The following TENM1 variants were observed in gnomAD, a reference collection of about 807,000 sequenced individuals.
The protein encoded by TENM1 is teneurin transmembrane protein 1.
A neutral mutation model predicts 174.8 loss-of-function variants in TENM1; 35 were observed. That is an observed-to-expected ratio of 0.20 (90% CI 0.15 to 0.27). TENM1 has a LOEUF of 0.27. TENM1 is among the 10% of genes least tolerant of loss of function. The probability of loss-of-function intolerance (pLI) is 1.00; values close to 1 mark genes in which losing one functional copy is unlikely to be tolerated. For synonymous variants in TENM1, 781 were observed against 798.7 expected, an observed-to-expected ratio of 0.98 and a Z score of 0.37; for missense variants, 1,633 against 2,130.1, an observed-to-expected ratio of 0.77 and a Z score of 4.59.
intron 4 of TENM1, among the ~76,000 whole-genome samples, chrX:124,717,268 G>T (rs2053207453): frequency 9.0e-6 from 1 of 111,595 alleles, no homozygotes; most frequent in African/African-American, 3.3e-5. Context: ...TAGATATGTA[G>T]ATCATTGTCT....
At chrX:124,380,514 C>T (rs749461441) in exon 32 of TENM1, 32 of 1,167,069 alleles carry the variant, frequency 2.7e-5, no homozygotes, top group Admixed American at 7.3e-5. Context: ...TCTTTGGTGA[C>T]GCAAAGGCAG....
At chrX:124,798,424 C>T (rs760034574) in intron 3 of TENM1, among the ~76,000 whole-genome samples, 1 of 112,020 alleles carries the variant, frequency 8.9e-6, no homozygotes, top group Admixed American at 9.4e-5. Flanking sequence ...TTTTGATTTG[C>T]ATTTCTCTAA....
At chrX:125,107,488 AG>A in the TENM1 span, among the ~76,000 whole-genome samples, 2 of 112,081 alleles carry the variant, frequency 1.8e-5, no homozygotes, top group Admixed American at 9.5e-5. Context: ...TGGGGAAAAC[AG>A]CCCAACCTCT....
At chrX:124,769,249 C>A (rs1198238545) in intron 3 of TENM1, among the ~76,000 whole-genome samples, 1 of 111,606 alleles carries the variant, frequency 9.0e-6, no homozygotes, top group Non-Finnish European at 1.9e-5. Flanking sequence ...AATTGTTTCA[C>A]CATGAAGCTT....
the TENM1 span, among the ~76,000 whole-genome samples, chrX:125,000,031 A>C: frequency 9.0e-6 from 1 of 111,588 alleles, no homozygotes; most frequent in African/African-American, 3.2e-5. Flanking sequence ...TTTACATAAA[A>C]TACAGCCCTA....
intron 11 of TENM1, among the ~76,000 whole-genome samples, chrX:124,604,487 G>GT (rs1260538735): frequency 5.4e-5 from 6 of 111,065 alleles, no homozygotes; most frequent in South Asian, 7.6e-4. Flanking sequence ...GAAATGATCA[G>GT]TTTGAAGCTG....
chrX:124,969,124 A>C, the TENM1 span, among the ~76,000 whole-genome samples: 1 of 112,103 alleles, frequency 8.9e-6, no homozygotes, highest in African/African-American at 3.2e-5. Flanking sequence ...AATATATATA[A>C]AATGCTATTC....
At chrX:124,398,146 C>A (rs1385044294) in intron 27 of TENM1, among the ~76,000 whole-genome samples, 1 of 108,135 alleles carries the variant, frequency 9.2e-6, no homozygotes, top group East Asian at 3.0e-4. Context: ...GAGAACTGCT[C>A]GAACAGAGGA....
chrX:124,968,543 A>T (rs1461786113), upstream of TENM1, among the ~76,000 whole-genome samples: 3 of 112,264 alleles, frequency 2.7e-5, no homozygotes, highest in East Asian at 8.4e-4. Flanking sequence ...TCAAATTTCC[A>T]ATCATAACTA....
the TENM1 span, among the ~76,000 whole-genome samples, chrX:125,090,408 G>A: frequency 9.0e-6 from 1 of 110,533 alleles, no homozygotes; most frequent in African/African-American, 3.3e-5. Flanking sequence ...CACTTTGGGA[G>A]GCTGAGACAC....
chrX:124,857,107 T>C (rs2056828400), intron 3 of TENM1, among the ~76,000 whole-genome samples: 1 of 111,403 alleles, frequency 9.0e-6, no homozygotes, highest in African/African-American at 3.3e-5. Context: ...GAGCTGCCTC[T>C]ACATCTCACA....
At chrX:124,494,181 G>A (rs771969243) in intron 20 of TENM1, among the ~76,000 whole-genome samples, 2 of 112,136 alleles carry the variant, frequency 1.8e-5, no homozygotes, top group South Asian at 7.5e-4. Context: ...CTTTTCATGT[G>A]TTTTAATTGG....
At chrX:125,157,400 G>A in the TENM1 span, among the ~76,000 whole-genome samples, 3 of 111,997 alleles carry the variant, frequency 2.7e-5, no homozygotes, top group Non-Finnish European at 3.8e-5. Flanking sequence ...TGTCAGCACC[G>A]AGTTACTACC....
In TENM1 at chrX:124,502,292, C is replaced by A. The variant is rs188702052; in HGVS notation, c.3445+1268G>T. Among the ~76,000 whole-genome samples the A allele has an allele frequency of 8.0e-5, 9 of 112,111 alleles. No individual in the cohort carries two copies. In the East Asian group the frequency reaches 2.6e-3, roughly 32 times the overall value. ...AACACATTTGTGAAAATCAGGGGGC[C>A]CCCCCCAAAGCCAACTTTCTGAATG... On this transcript the variant is annotated intron_variant, in intron 19 of 31. Transcript: ENST00000422452.
the TENM1 span, among the ~76,000 whole-genome samples, chrX:125,129,692 G>A: frequency 9.0e-6 from 1 of 110,567 alleles, no homozygotes; most frequent in Non-Finnish European, 1.9e-5. Flanking sequence ...GTGAGAACAT[G>A]TGAAGTTTGT....
Position 124,646,692 on chromosome X carries a change from T to A in TENM1, c.1681+17A>T, listed in dbSNP as rs2051168717. ...ATCTATTTTCCTAAACCAATCAGAA[T>A]AACAGAGCAACATTACCTCTAGCAC... On this transcript the variant is annotated intron_variant, in intron 9 of 31. Coordinates refer to ENST00000422452, the Ensembl canonical transcript of TENM1. 8.9e-7 allele frequency: 1 copy of A among 1,123,818 alleles called. No homozygotes were observed. Among genetic ancestry groups the A allele is most frequent in the Non-Finnish European group, 1.2e-6 (1 of 819,183 alleles). 92.6% of individuals were successfully genotyped at this position (1,123,818 alleles called of 1,213,427 possible).
chrX:124,498,476 T>C (rs2047252178), intron 19 of TENM1, among the ~76,000 whole-genome samples: 1 of 110,653 alleles, frequency 9.0e-6, no homozygotes, highest in Non-Finnish European at 1.9e-5. Context: ...ATTTGGCCCT[T>C]GACTACTTCT....
At chrX:124,522,563 TA>T (rs373627530) in intron 17 of TENM1, among the ~76,000 whole-genome samples, 26,650 of 105,922 alleles carry the variant, frequency 0.25, 3,662 homozygotes, top group African/African-American at 0.53. Context: ...AAAGCTTTTT[TA>T]AAAAAAAAAA....
chrX:124,560,061 A>C (rs1479584716), intron 14 of TENM1, among the ~76,000 whole-genome samples: 1 of 110,930 alleles, frequency 9.0e-6, no homozygotes, highest in Non-Finnish European at 1.9e-5. Flanking sequence ...TGAGTCTTAG[A>C]GGGCCATAAA....
Sources: gnomAD v4.1 joint callset for allele counts (sites outside exome capture counted in the v4.1 genomes callset) on GRCh38, gnomAD v4.1.1 for gene constraint, MANE v1.5 for transcripts, NCBI Gene and HGNC (gene_info 2026-07-23, HGNC 2026-07-21) for gene names.